SMYD3: variants seen among roughly 807,000 people sequenced by gnomAD.
The protein encoded by SMYD3 is histone-lysine N-methyltransferase SMYD3.
A neutral mutation model predicts 57.7 loss-of-function variants in SMYD3; 36 were observed. The observed-to-expected ratio is 0.62, with a 90% CI of 0.48 to 0.82. The LOEUF is 0.82. SMYD3 is among the 40% of genes least tolerant of loss of function. SMYD3 has a pLI of 0.00. For synonymous variants in SMYD3, 211 were observed against 195.0 expected (o/e 1.08, Z -0.68); for missense variants, 515 against 538.8 (o/e 0.96, Z 0.44).
At chr1:246,013,229 G>C (rs1025121493) in intron 5 of SMYD3, among the ~76,000 whole-genome samples, 3 of 152,158 alleles carry the variant, frequency 2.0e-5, no homozygotes, top group Non-Finnish European at 4.4e-5. Flanking sequence ...ACACCAGCTA[G>C]AGTAAAGTAC....
intron 1 of SMYD3, among the ~76,000 whole-genome samples, chr1:246,424,096 T>C (rs894163159): frequency 4.6e-5 from 7 of 152,082 alleles, no homozygotes; most frequent in Non-Finnish European, 1.0e-4. Flanking sequence ...TGGAAACAGA[T>C]GAATACAAAG....
At position 245,927,967 on chromosome 1, in the gene SMYD3, T is replaced by C; in HGVS notation, c.666A>G (p.Leu222=). The change falls in exon 7 of 12, where the codon TTA becomes TTG. Residue 222 remains leucine, a synonymous_variant. Coordinates refer to ENST00000490107, the MANE Select transcript of SMYD3 (RefSeq NM_001167740.2). ...CSIVFNGPHL[L]LRAVRDIEVG... ...CCTCGATGTCTCGGACTGCTCGCAG[T>C]AAGAGGTGGGGCCCATTGAACACAA... is the stretch of plus-strand genomic sequence containing the variant. 1 of 1,612,540 alleles carries C rather than the reference T, an allele frequency of 6.2e-7. No homozygotes were observed. The highest frequency in any genetic ancestry group is 8.5e-7 in the Non-Finnish European group (1 of 1,179,234).
chr1:245,915,619 T>C lies in SMYD3; in HGVS notation c.724A>G (p.Met242Val). 1 of 1,613,618 alleles carries C rather than the reference T, an allele frequency of 6.2e-7. No individual in the cohort carries two copies. Among genetic ancestry groups the C allele is most frequent in the Non-Finnish European group, 8.5e-7 (1 of 1,179,592 alleles). ...CGGCGCTCCTCACTGGTCATCAGCA[T>C]ATCCAGGTAGCAGATGGTGAGCTGT... ...GEELTICYLD[M>V]LMTSEERRKQ... is the part of the protein sequence containing the mutation. Residue 242 changes from methionine (M) to valine (V), a missense_variant, in exon 8 of 12, where the codon ATG (methionine) becomes GTG (valine). Transcript: ENST00000490107.
intron 1 of SMYD3, among the ~76,000 whole-genome samples, chr1:246,410,762 T>C (rs536223388): frequency 5.7e-4 from 87 of 152,280 alleles, no homozygotes; most frequent in African/African-American, 2.0e-3. Context: ...CTCCTCCTTG[T>C]ACCTCTGGTA....
intron 7 of SMYD3, among the ~76,000 whole-genome samples, chr1:245,924,654 G>GGTTTTT (rs1558499827): frequency 8.7e-6 from 1 of 115,128 alleles, no homozygotes; most frequent in Admixed American, 1.1e-4. Flanking sequence ...CTCTATTCCA[G>GGTTTTT]CTTTTTTTTT....
At chr1:245,909,314 A>T (rs1228279249) in intron 8 of SMYD3, among the ~76,000 whole-genome samples, 1 of 152,174 alleles carries the variant, frequency 6.6e-6, no homozygotes, top group Non-Finnish European at 1.5e-5. Flanking sequence ...ACAGTAATAA[A>T]GCCTCCCATC....
At chr1:245,757,395 G>T (rs190465298) in intron 11 of SMYD3, among the ~76,000 whole-genome samples, 336 of 151,876 alleles carry the variant, frequency 2.2e-3, no homozygotes, top group Non-Finnish European at 6.0e-4. Flanking sequence ...TTTGTTGATG[G>T]TATCCTTTGA....
chr1:246,351,873 C>A (rs1004012211), intron 2 of SMYD3, among the ~76,000 whole-genome samples: 1 of 152,046 alleles, frequency 6.6e-6, no homozygotes, highest in African/African-American at 2.4e-5. Flanking sequence ...CGGTGGCTCA[C>A]GGCTATAATC....
chr1:246,012,076 T>C (rs1453136234), intron 5 of SMYD3, among the ~76,000 whole-genome samples: 2 of 152,190 alleles, frequency 1.3e-5, no homozygotes, highest in Non-Finnish European at 2.9e-5. Flanking sequence ...GCTTGCTCGA[T>C]GACTGAACAT....
In SMYD3 at chr1:246,197,178, C is replaced by A. The variant is rs140547603; in HGVS notation, c.531+130023G>T. On this transcript the variant is annotated intron_variant, in intron 5 of 11. Coordinates refer to ENST00000490107, the MANE Select transcript of SMYD3 (RefSeq NM_001167740.2). ...ATACTGATATAAATAAAAGACAAAT[C>A]TCCTGTTCAGAGGAATTCCAAATAA... Among the ~76,000 whole-genome samples, 116 of 152,272 alleles carry A rather than the reference C, an allele frequency of 7.6e-4. 1 individual carries two copies. The highest frequency in any genetic ancestry group is 2.7e-3 in the African/African-American group (113 of 41,560).
intron 1 of SMYD3, among the ~76,000 whole-genome samples, chr1:246,462,007 C>T (rs1417709996): frequency 1.3e-5 from 2 of 152,096 alleles, no homozygotes; most frequent in Non-Finnish European, 2.9e-5. Context: ...AGTAGAGTAC[C>T]TAATCCAGGC....
chr1:246,024,886 G>A (rs58193003), intron 5 of SMYD3, among the ~76,000 whole-genome samples: 4 of 72,238 alleles, frequency 5.5e-5, no homozygotes, highest in African/African-American at 8.4e-5. Flanking sequence ...TCTAGGAAGG[G>A]AGATACAGGA....
intron 7 of SMYD3, among the ~76,000 whole-genome samples, chr1:245,921,268 T>C (rs1373049872): frequency 6.6e-6 from 1 of 151,920 alleles, no homozygotes; most frequent in Non-Finnish European, 1.5e-5. Context: ...TACTAAAAAG[T>C]CCAAAAATAA....
At chr1:245,923,763 T>G (rs1292120397) in intron 7 of SMYD3, among the ~76,000 whole-genome samples, 9 of 152,210 alleles carry the variant, frequency 5.9e-5, no homozygotes. Context: ...TTTACACCAC[T>G]GTGCATCTTA....
chr1:246,111,464 G>A (rs532764386), intron 5 of SMYD3: 40 of 152,256 alleles, frequency 2.6e-4, no homozygotes, highest in African/African-American at 8.4e-4. Context: ...GCAGTCTAAA[G>A]AATCTTTTGC....
At chr1:246,074,541 G>A (rs1173548143) in intron 5 of SMYD3, among the ~76,000 whole-genome samples, 1 of 152,156 alleles carries the variant, frequency 6.6e-6, no homozygotes, top group Non-Finnish European at 1.5e-5. Context: ...AAAGCAGACA[G>A]AAACTGGAAG....
At chr1:246,200,871 T>G (rs904277803) in intron 5 of SMYD3, among the ~76,000 whole-genome samples, 2 of 152,204 alleles carry the variant, frequency 1.3e-5, no homozygotes, top group African/African-American at 4.8e-5. Context: ...AACCTAGGTC[T>G]TTCTAACCTC....
intron 1 of SMYD3, among the ~76,000 whole-genome samples, chr1:246,467,948 C>G (rs750162419): frequency 6.6e-6 from 1 of 152,140 alleles, no homozygotes. Context: ...ATCGCTTGAG[C>G]CCAGGAGTTC....
intron 1 of SMYD3, among the ~76,000 whole-genome samples, chr1:246,417,635 GA>G (rs944104625): frequency 6.6e-6 from 1 of 152,090 alleles, no homozygotes; most frequent in Admixed American, 6.6e-5. Flanking sequence ...GCAAAGGTCT[GA>G]AAAATATCTC....
Sources: gnomAD v4.1 joint callset for allele counts (sites outside exome capture counted in the v4.1 genomes callset) on GRCh38, gnomAD v4.1.1 for gene constraint, MANE v1.5 for transcripts, NCBI Gene and HGNC (gene_info 2026-07-23, HGNC 2026-07-21) for gene names.